HDGFL2: variants seen among roughly 807,000 people sequenced by gnomAD.
HDGFL2 encodes the protein hepatoma-derived growth factor-related protein 2.
Under a neutral mutation model 77.1 loss-of-function variants are expected in HDGFL2, and 36 were observed. The ratio of observed to expected loss-of-function variants is 0.47; its 90% CI spans 0.36 to 0.62. The LOEUF (loss-of-function observed/expected upper bound fraction) is 0.62, where lower values mean the gene tolerates loss of function less well. Ranked by LOEUF, HDGFL2 falls within the 20% of genes least tolerant of loss-of-function variation. The probability of loss-of-function intolerance (pLI) is 0.00; values close to 1 mark genes in which losing one functional copy is unlikely to be tolerated. For synonymous variants in HDGFL2, 463 were observed against 413.1 expected, an observed-to-expected ratio of 1.12 and a Z score of -1.46; for missense variants, 976 against 973.4, an observed-to-expected ratio of 1.00 and a Z score of -0.04.
intron 6 of HDGFL2, among the ~76,000 whole-genome samples, chr19:4,492,086 G>A (rs996981386): frequency 1.3e-5 from 2 of 152,220 alleles, no homozygotes; most frequent in African/African-American, 2.4e-5. Flanking sequence ...CAGTCCTGAC[G>A]CGCCTGCATG....
At chr19:4,476,078 G>A (rs1975065509) in intron 3 of HDGFL2, among the ~76,000 whole-genome samples, 4 of 150,250 alleles carry the variant, frequency 2.7e-5, no homozygotes, top group Admixed American at 1.3e-4. Context: ...TTTTAATAGA[G>A]ACAGGGTTTC....
intron 13 of HDGFL2, 132 bp from the exon 14 acceptor site, chr19:4,499,356 AAAG>A (rs1170324668): frequency 8.1e-6 from 6 of 744,594 alleles, no homozygotes; most frequent in Non-Finnish European, 1.3e-5. Flanking sequence ...AAAAAAAAAA[AAAG>A]AAATGCCTGC....
Position 4,502,073 on chromosome 19 carries a change from G to C in HDGFL2, c.*63G>C, listed in dbSNP as rs767717333. On this transcript the variant is annotated 3_prime_UTR_variant, in exon 16 of 16. Transcript: ENST00000616600. ...GGCTGCCCCTCTCCTTCCCCGGCTC[G>C]CAGGAGAGCAGAGCAGAGAACTGTG... is the stretch of plus-strand genomic sequence containing the variant. 8.6e-7 allele frequency: 1 copy of C among 1,163,702 alleles called. No homozygotes were observed. Among genetic ancestry groups the C allele is most frequent in the Non-Finnish European group, 1.2e-6 (1 of 806,768 alleles). 72.1% of individuals were successfully genotyped at this position (1,163,702 alleles called of 1,614,324 possible).
intron 15 of HDGFL2, 22 bp from the exon 16 acceptor site, chr19:4,501,889 C>G (rs745372025): frequency 3.9e-5 from 56 of 1,425,984 alleles, no homozygotes; most frequent in South Asian, 1.2e-4. Context: ...CATCCTCACA[C>G]CGCCTTTGCT....
At chr19:4,481,342 C>T (rs1975212166) in intron 3 of HDGFL2, among the ~76,000 whole-genome samples, 1 of 152,098 alleles carries the variant, frequency 6.6e-6, no homozygotes, top group South Asian at 2.1e-4. Flanking sequence ...AGGCGCCCGC[C>T]ACCACTCCTG....
intron 10 of HDGFL2, chr19:4,497,015 C>G (rs889479085): frequency 1.3e-5 from 5 of 383,544 alleles, no homozygotes; most frequent in African/African-American, 2.1e-5. Context: ...GCTGGGATTA[C>G]AGGCACCCGC....
Position 4,501,968 on chromosome 19 carries a change from G to A in HDGFL2, c.1974G>A (p.Glu658=). The change falls in exon 16 of 16, where the codon GAG becomes GAA. Residue 658 remains glutamate (E), a synonymous_variant. Transcript: ENST00000616600. ...CTGGGAGCGACCGGCAGGAGCGCGA[G>A]AGGGCACGGGGGGACTCGGAGGCCC... The part of the protein sequence containing the change: ...DRPGSDRQER[E]RARGDSEALD... 6.6e-7 allele frequency: 1 copy of A among 1,507,042 alleles called. No homozygotes were observed. Among genetic ancestry groups the A allele is most frequent in the East Asian group, 2.5e-5 (1 of 40,562 alleles). The allele number at this position is 1,507,042 out of a possible 1,614,324, so 93.4% of individuals were successfully genotyped here. A position where few individuals can be genotyped will look rare whatever the true frequency, so the allele number is the denominator to read the frequency against.
At position 4,488,758 on chromosome 19, in the gene HDGFL2, G is replaced by T; in HGVS notation, c.371G>T (p.Gly124Val). 6.4e-7 allele frequency: 1 copy of T among 1,553,210 alleles called. No individual in the cohort carries two copies. The highest frequency in any genetic ancestry group is 1.2e-5 in the South Asian group (1 of 84,232). ...SDADEDDEDRGVMAVTAVTAT... is the reference protein window; with the variant it reads ...SDADEDDEDRVVMAVTAVTAT... ...GCTGACGAGGACGATGAGGACCGGGGGGTCATGGCCGTCACAGCGGTAACC... is the reference window on the plus strand; with the variant it reads ...GCTGACGAGGACGATGAGGACCGGGTGGTCATGGCCGTCACAGCGGTAACC... Residue 124 changes from glycine (G) to valine (V), a missense_variant, in exon 4 of 16, where the codon GGG becomes GTG. Around this residue, in one of 5 missense-constraint regions of HDGFL2, gnomAD observed 567 missense variants for 534.7 expected, o/e 1.06. Coordinates refer to ENST00000616600, the MANE Select transcript of HDGFL2 (RefSeq NM_001001520.3).
At chr19:4,489,403 C>G (rs1006012013) in intron 4 of HDGFL2, among the ~76,000 whole-genome samples, 1 of 145,866 alleles carries the variant, frequency 6.9e-6, no homozygotes, top group Non-Finnish European at 1.5e-5. Flanking sequence ...TGGGCACCAC[C>G]ACCATATTTT....
chr19:4,498,863 TG>T lies in HDGFL2; in HGVS notation c.1524del (p.Thr509ProfsTer15). 1 of 1,612,078 alleles carries T rather than the reference TG, an allele frequency of 6.2e-7. No homozygotes were observed. Among genetic ancestry groups the T allele is most frequent in the Non-Finnish European group, 8.5e-7 (1 of 1,179,086 alleles). ...CTAGAGGAGCTGGGAACCCTGCAGG[TG>T]ACCTCTCAGATCCTCCAGAAGAACA... ...NALEELGTLQ[V>X]TSQILQKNTD... On this transcript the variant is annotated frameshift_variant, in exon 13 of 16. Transcript: ENST00000616600. LOFTEE classifies it high-confidence loss of function.
intron 1 of HDGFL2, chr19:4,475,070 A>T (rs1023677400): frequency 1.8e-6 from 1 of 564,810 alleles, no homozygotes; most frequent in Non-Finnish European, 3.2e-6. Flanking sequence ...TCCCTGGGGT[A>T]GGGGGAGAGC....
intron 9 of HDGFL2, among the ~76,000 whole-genome samples, chr19:4,494,714 C>T (rs1472109313): frequency 1.3e-5 from 2 of 151,964 alleles, no homozygotes; most frequent in Non-Finnish European, 2.9e-5. Flanking sequence ...GAGTCCAGCT[C>T]GAGACCAGCC....
At chr19:4,490,609 G>C (rs916349387) in intron 4 of HDGFL2, among the ~76,000 whole-genome samples, 1 of 152,196 alleles carries the variant, frequency 6.6e-6, no homozygotes, top group African/African-American at 2.4e-5. Context: ...TTTGGGTGTA[G>C]AAACAAAGGA....
At chr19:4,495,021 G>A (rs964370029) in intron 9 of HDGFL2, among the ~76,000 whole-genome samples, 1 of 152,098 alleles carries the variant, frequency 6.6e-6, no homozygotes, top group African/African-American at 2.4e-5. Flanking sequence ...GGGGTGGGGG[G>A]TTTCTCTTTT....
At position 4,499,684 on chromosome 19, in the gene HDGFL2, C is replaced by T. The variant is rs767607416; in HGVS notation, c.1769C>T (p.Ala590Val). 48 of 1,401,490 alleles carry T rather than the reference C, an allele frequency of 3.4e-5. No individual in the cohort carries two copies. The East Asian group carries it at 3.4e-4, about 10-fold the overall frequency. 86.8% of individuals were successfully genotyped at this position (1,401,490 alleles called of 1,614,324 possible). A position where few individuals can be genotyped will look rare whatever the true frequency, so the allele number is the denominator to read the frequency against. The change falls in exon 14 of 16, where the codon GCG becomes GTG. Residue 590 changes from alanine to valine, a missense_variant. Coordinates refer to ENST00000616600, the MANE Select transcript of HDGFL2 (RefSeq NM_001001520.3). Reference protein sequence around the residue: ...LAGEEAPQEKAEDKPSTDLSA... With the variant: ...LAGEEAPQEKVEDKPSTDLSA... ...GGGGAGGAGGCCCCCCAGGAGAAGG[C>T]GGAGGACAAGCCCAGCACCGGTGAG...
chr19:4,484,132 G>A (rs1362112438), intron 3 of HDGFL2, among the ~76,000 whole-genome samples: 2 of 135,004 alleles, frequency 1.5e-5, no homozygotes, highest in African/African-American at 5.7e-5. Flanking sequence ...CACCCAGGCT[G>A]GAGTGCAGTG....
In HDGFL2 at chr19:4,501,368, C is replaced by A. The variant is rs372694920; in HGVS notation, c.1916+51C>A. ...GGACTCCTGAGCGGCAGCGGTGTGA[C>A]GCGCACCCTGGGTCCGAGCCGCTCC... On this transcript the variant is annotated intron_variant, in intron 15 of 15. Coordinates refer to ENST00000616600, the MANE Select transcript of HDGFL2 (RefSeq NM_001001520.3). 81 of 1,537,128 alleles carry A rather than the reference C, an allele frequency of 5.3e-5. 2 individuals carry two copies. Among genetic ancestry groups the A allele is most frequent in the Admixed American group, 3.4e-4 (18 of 53,682 alleles).
intron 4 of HDGFL2, 50 bp downstream of exon 4, chr19:4,488,926 C>T: frequency 7.6e-7 from 1 of 1,318,152 alleles, no homozygotes. Flanking sequence ...GCCCTGATGT[C>T]TCGCCTGGCA....
chr19:4,499,745 C>T (rs780568808), intron 14 of HDGFL2, 41 bp downstream of exon 14: 7 of 1,415,828 alleles, frequency 4.9e-6, no homozygotes, highest in Non-Finnish European at 4.8e-6. Flanking sequence ...TCAGTCTCCT[C>T]AGCTGAAGAA....
Sources: gnomAD v4.1 joint callset for allele counts (sites outside exome capture counted in the v4.1 genomes callset) on GRCh38, gnomAD v4.1.1 for gene constraint, gnomAD v4.1.1 regional missense constraint, MANE v1.5 for transcripts, NCBI Gene and HGNC (gene_info 2026-07-23, HGNC 2026-07-21) for gene names.